DACH1: variants seen among roughly 807,000 people sequenced by gnomAD.
The protein encoded by DACH1 is dachshund family transcription factor 1, also known as dachshund homolog 1.
DACH1 carries 12 observed loss-of-function variants against 54.2 expected under a neutral mutation model. That is an observed-to-expected ratio of 0.22 (90% CI 0.14 to 0.36). The LOEUF (loss-of-function observed/expected upper bound fraction) is 0.36. Ranked by LOEUF, DACH1 falls within the 10% of genes least tolerant of loss-of-function variation. DACH1 has a pLI of 1.00. For synonymous variants in DACH1, 386 were observed against 366.2 expected (o/e 1.05, Z -0.62); for missense variants, 805 against 929.8 (o/e 0.87, Z 1.75).
At chr13:71,794,503 A>G (rs1167300681) in intron 1 of DACH1, among the ~76,000 whole-genome samples, 1 of 152,134 alleles carries the variant, frequency 6.6e-6, no homozygotes, top group African/African-American at 2.4e-5. Context: ...CAATGGCGCA[A>G]TCTCGGCTCA....
intron 6 of DACH1, among the ~76,000 whole-genome samples, 194 bp downstream of exon 6, chr13:71,556,830 G>A (rs1422572673): frequency 6.6e-6 from 1 of 151,928 alleles, no homozygotes; most frequent in Non-Finnish European, 1.5e-5. Context: ...TGTAAGAGAA[G>A]TGCAGCAGGT....
intron 2 of DACH1, among the ~76,000 whole-genome samples, chr13:71,659,689 G>A (rs1419941626): frequency 6.6e-6 from 1 of 151,980 alleles, no homozygotes; most frequent in African/African-American, 2.4e-5. Context: ...TCCTCTGTTG[G>A]GGATTTTCTT....
At chr13:71,846,870 A>C (rs1187818187) in intron 1 of DACH1, among the ~76,000 whole-genome samples, 2 of 152,186 alleles carry the variant, frequency 1.3e-5, no homozygotes, top group African/African-American at 4.8e-5. Flanking sequence ...GTGACCACGT[A>C]CTTAAAATAT....
At chr13:71,635,635 T>C (rs1014993913) in intron 2 of DACH1, among the ~76,000 whole-genome samples, 10 of 152,114 alleles carry the variant, frequency 6.6e-5, no homozygotes, top group Admixed American at 3.3e-4. Flanking sequence ...CCCATAACAT[T>C]TGCCACACCC....
At chr13:71,845,479 G>C (rs1456955151) in intron 1 of DACH1, among the ~76,000 whole-genome samples, 1 of 152,134 alleles carries the variant, frequency 6.6e-6, no homozygotes, top group East Asian at 1.9e-4. Context: ...TTATACAAGT[G>C]GGTCATTGAC....
intron 2 of DACH1, among the ~76,000 whole-genome samples, chr13:71,661,000 A>G (rs1879448617): frequency 6.7e-6 from 1 of 149,686 alleles, no homozygotes; most frequent in South Asian, 2.2e-4. Flanking sequence ...AGATTGTTCT[A>G]TAACATTGTT....
chr13:71,864,801 C>T (rs1309758749), intron 1 of DACH1, among the ~76,000 whole-genome samples: 1 of 150,734 alleles, frequency 6.6e-6, no homozygotes, highest in Non-Finnish European at 1.5e-5. Flanking sequence ...TAAAACTGGT[C>T]TGGCTGGGGA....
intron 3 of DACH1, among the ~76,000 whole-genome samples, chr13:71,588,604 A>T (rs958256771): frequency 2.0e-5 from 3 of 152,104 alleles, no homozygotes; most frequent in Admixed American, 6.6e-5. Flanking sequence ...CAGTAAAACA[A>T]GGAACAGACA....
At chr13:71,662,826 A>T (rs1055177174) in intron 2 of DACH1, among the ~76,000 whole-genome samples, 21 of 151,974 alleles carry the variant, frequency 1.4e-4, no homozygotes, top group Non-Finnish European at 1.0e-4. Context: ...GAGAATAATT[A>T]TGCCTTTAAC....
chr13:71,705,783 G>A (rs1882410809), intron 1 of DACH1, among the ~76,000 whole-genome samples: 1 of 151,510 alleles, frequency 6.6e-6, no homozygotes, highest in African/African-American at 2.4e-5. Flanking sequence ...AGTAAATCAA[G>A]TCTTATCTCT....
At chr13:71,758,121 A>G (rs1275298733) in intron 1 of DACH1, among the ~76,000 whole-genome samples, 1 of 152,090 alleles carries the variant, frequency 6.6e-6, no homozygotes, top group Non-Finnish European at 1.5e-5. Context: ...GGCTGTGAAC[A>G]CAGTCTCTCC....
At chr13:71,450,792 T>C (rs1874968085) in intron 10 of DACH1, among the ~76,000 whole-genome samples, 1 of 152,126 alleles carries the variant, frequency 6.6e-6, no homozygotes, top group East Asian at 1.9e-4. Context: ...GTTTGAGGGT[T>C]CTGAATAAAA....
At chr13:71,752,393 A>G (rs1260511036) in intron 1 of DACH1, among the ~76,000 whole-genome samples, 1 of 152,058 alleles carries the variant, frequency 6.6e-6, no homozygotes, top group African/African-American at 2.4e-5. Context: ...CAAAATAGTA[A>G]CCTAGTTTGA....
intron 2 of DACH1, among the ~76,000 whole-genome samples, chr13:71,640,756 T>C (rs1310165478): frequency 6.6e-6 from 1 of 152,154 alleles, no homozygotes; most frequent in Non-Finnish European, 1.5e-5. Context: ...AAGTGTGTGA[T>C]ACTCTAAACG....
chr13:71,696,078 C>T (rs754250136), intron 1 of DACH1, among the ~76,000 whole-genome samples: 9 of 152,050 alleles, frequency 5.9e-5, no homozygotes, highest in Admixed American at 4.6e-4. Flanking sequence ...TAGGGAGGGG[C>T]GTAAGGGCTA....
chr13:71,466,624 C>T (rs1159415529), intron 10 of DACH1, among the ~76,000 whole-genome samples: 41 of 152,082 alleles, frequency 2.7e-4, no homozygotes, highest in Admixed American at 2.6e-3. Context: ...AAGTGGATCG[C>T]TTGAGCTCAG....
At position 71,760,264 on chromosome 13, in the gene DACH1, G is replaced by A. The variant is rs147775633; in HGVS notation, c.849-78354C>T. Among the ~76,000 whole-genome samples the A allele has an allele frequency of 3.4e-3, 521 of 152,218 alleles. 4 individuals are homozygous for A. Among genetic ancestry groups the A allele is most frequent in the African/African-American group, 0.012 (499 of 41,532 alleles). Reference sequence around the variant, plus strand: ...AGAGGAGGGGGTTCTTTGATTGAGCGTCTATCATGCTGCCATGGGAAAGCG... The same window carrying A: ...AGAGGAGGGGGTTCTTTGATTGAGCATCTATCATGCTGCCATGGGAAAGCG... On this transcript the variant is annotated intron_variant, in intron 1 of 10. Coordinates refer to ENST00000613252, the MANE Select transcript of DACH1 (RefSeq NM_080759.6).
intron 1 of DACH1, among the ~76,000 whole-genome samples, chr13:71,779,202 T>A (rs1594210743): frequency 8.0e-6 from 1 of 125,396 alleles, no homozygotes; most frequent in Admixed American, 7.8e-5. Flanking sequence ...TATACGTATA[T>A]ATGTGTATAT....
intron 1 of DACH1, among the ~76,000 whole-genome samples, chr13:71,762,109 A>G (rs1225382091): frequency 6.6e-6 from 1 of 152,164 alleles, no homozygotes; most frequent in Non-Finnish European, 1.5e-5. Flanking sequence ...CAGAAAACTA[A>G]GACTCGGTGA....
Sources: gnomAD v4.1 joint callset for allele counts (sites outside exome capture counted in the v4.1 genomes callset) on GRCh38, gnomAD v4.1.1 for gene constraint, MANE v1.5 for transcripts, NCBI Gene and HGNC (gene_info 2026-07-23, HGNC 2026-07-21) for gene names.